ANO4: variants seen among roughly 807,000 people sequenced by gnomAD.
ANO4 encodes anoctamin 4.
In ANO4, 69 loss-of-function variants were observed where a neutral mutation model predicts 141.9. The ratio of observed to expected loss-of-function variants is 0.49; its 90% CI spans 0.40 to 0.59. The LOEUF (loss-of-function observed/expected upper bound fraction) is 0.59, where lower values mean the gene tolerates loss of function less well. ANO4 is among the 20% of genes least tolerant of loss of function. The pLI is 0.00. For missense variants in ANO4, 894 were observed against 1,162.2 expected (o/e 0.77, Z 3.36); for synonymous variants, 350 against 394.3 (o/e 0.89, Z 1.33).
intron 2 of ANO4, chr12:100,739,826 C>T (rs1447176382): frequency 1.4e-6 from 1 of 699,186 alleles, no homozygotes; most frequent in South Asian, 1.5e-5. Flanking sequence ...TGATTGCTGC[C>T]ACTCACCTAA....
intron 22 of ANO4, among the ~76,000 whole-genome samples, chr12:101,107,275 G>A (rs1341891699): frequency 1.3e-5 from 2 of 152,116 alleles, no homozygotes; most frequent in Non-Finnish European, 1.5e-5. Flanking sequence ...TTTGGTACCT[G>A]ACAAGTCCTT....
chr12:101,076,274 A>G (rs606569), intron 14 of ANO4, among the ~76,000 whole-genome samples: 75,541 of 151,888 alleles, frequency 0.5, 18,946 homozygotes, highest in East Asian at 0.66. Context: ...GACCCCAGAG[A>G]GCTAACTACC....
rs573437877 is a variant in ANO4 at position 100,901,715 on chromosome 12, G to A, written c.-71G>A. ...CATCAACGGCGAAGTGTGGCAAGCC[G>A]CCCAGCGTCACGTCGTCGCCTGCCT... is the stretch of plus-strand genomic sequence containing the variant. On this transcript the variant is annotated 5_prime_UTR_variant, in exon 2 of 28. Transcript: ENST00000392977. 1.2e-5 allele frequency: 17 copies of A among 1,412,468 alleles called. No individual in the cohort carries two copies. The African/African-American group carries it at 1.4e-4, about 12-fold the overall frequency. 87.5% of individuals were successfully genotyped at this position (1,412,468 alleles called of 1,614,324 possible).
intron 14 of ANO4, among the ~76,000 whole-genome samples, chr12:101,061,363 G>A (rs1358671616): frequency 1.3e-5 from 2 of 151,270 alleles, no homozygotes; most frequent in African/African-American, 4.9e-5. Context: ...TATGTGTCTT[G>A]GGGTTCTCTT....
chr12:100,897,189 A>G (rs1164409446), intron 1 of ANO4, among the ~76,000 whole-genome samples: 1 of 152,140 alleles, frequency 6.6e-6, no homozygotes, highest in Non-Finnish European at 1.5e-5. Flanking sequence ...TCAAGAGGAA[A>G]AGGTATTTTT....
chr12:101,104,963 T>G (rs1172235403), intron 22 of ANO4, among the ~76,000 whole-genome samples: 1 of 152,150 alleles, frequency 6.6e-6, no homozygotes, highest in Non-Finnish European at 1.5e-5. Context: ...TACATACAAG[T>G]TGGATTATTC....
Position 101,079,294 on chromosome 12 carries a change from A to C in ANO4, c.1395+19A>C. 6.2e-7 allele frequency: 1 copy of C among 1,601,892 alleles called. No individual in the cohort carries two copies. The highest frequency in any genetic ancestry group is 8.5e-7 in the Non-Finnish European group (1 of 1,170,198). ...AGAGGAGGTTTGTATCATTTACCTC[A>C]GAATGTTGTAAAAAGCAAATCACCC... On this transcript the variant is annotated intron_variant, in intron 15 of 27. Coordinates refer to ENST00000392977, the MANE Select transcript of ANO4 (RefSeq NM_001286615.2).
intron 24 of ANO4, among the ~76,000 whole-genome samples, chr12:101,113,004 A>G (rs1448810418): frequency 6.6e-6 from 1 of 152,184 alleles, no homozygotes; most frequent in Non-Finnish European, 1.5e-5. Context: ...CTTTCACTCA[A>G]ACCACTTTCA....
At chr12:100,729,358 CTCAAA>C (rs2031280164) in intron 1 of ANO4, among the ~76,000 whole-genome samples, 1 of 14,260 alleles carries the variant, frequency 7.0e-5, no homozygotes, top group African/African-American at 1.9e-4. Context: ...AAAACTCTGT[CTCAAA>C]AAAAAAAAAA....
intron 1 of ANO4, among the ~76,000 whole-genome samples, chr12:100,827,315 T>C (rs1410038216): frequency 6.6e-6 from 1 of 152,080 alleles, no homozygotes; most frequent in Non-Finnish European, 1.5e-5. Context: ...TCTTCCATCA[T>C]TATATGCATA....
At chr12:100,884,627 C>A (rs1160929412) in intron 1 of ANO4, among the ~76,000 whole-genome samples, 4 of 152,150 alleles carry the variant, frequency 2.6e-5, no homozygotes, top group Admixed American at 1.3e-4. Flanking sequence ...TCTCACTGGG[C>A]CAAAATCAAA....
chr12:100,757,484 C>T (rs958292338), intron 3 of ANO4, among the ~76,000 whole-genome samples: 2 of 152,212 alleles, frequency 1.3e-5, no homozygotes, highest in Non-Finnish European at 2.9e-5. Flanking sequence ...CTCCTACATA[C>T]TCTTCTTTTT....
intron 1 of ANO4, among the ~76,000 whole-genome samples, chr12:100,888,884 A>T (rs2039969478): frequency 6.6e-6 from 1 of 151,484 alleles, no homozygotes; most frequent in Non-Finnish European, 1.5e-5. Context: ...TATTTTTATT[A>T]TTATTATTAT....
In ANO4 at chr12:101,128,094, A is replaced by C. The variant is rs2051401260; in HGVS notation, c.*238A>C. 6.5e-6 allele frequency: 1 copy of C among 152,680 alleles called. No homozygotes were observed. The highest frequency in any genetic ancestry group is 2.1e-4 in the South Asian group (1 of 4,826). The allele number at this position is 152,680 out of a possible 1,614,324, so 9.5% of individuals were successfully genotyped here. A position where few individuals can be genotyped will look rare whatever the true frequency, so the allele number is the denominator to read the frequency against. ...ATCCATAGACCATTCTTGACCAAGC[A>C]AGCATGCACATTATGGGCAGTTACA... On this transcript the variant is annotated 3_prime_UTR_variant, in exon 28 of 28. Coordinates refer to ENST00000392977, the MANE Select transcript of ANO4 (RefSeq NM_001286615.2).
intron 7 of ANO4, among the ~76,000 whole-genome samples, chr12:100,983,967 G>T (rs763604831): frequency 2.6e-5 from 4 of 152,150 alleles, no homozygotes; most frequent in Non-Finnish European, 5.9e-5. Context: ...GTAGTGAAGT[G>T]CACACAGCAT....
At chr12:100,934,295 C>T (rs1374703508) in intron 3 of ANO4, among the ~76,000 whole-genome samples, 1 of 152,104 alleles carries the variant, frequency 6.6e-6, no homozygotes, top group Non-Finnish European at 1.5e-5. Flanking sequence ...GGAAGGGATC[C>T]AGTTTCAGCT....
intron 1 of ANO4, among the ~76,000 whole-genome samples, chr12:100,832,512 A>G (rs1380861449): frequency 6.6e-6 from 1 of 152,094 alleles, no homozygotes; most frequent in African/African-American, 2.4e-5. Context: ...GCTAGTTTTT[A>G]CCCATCACCT....
At chr12:100,724,163 GGAAAGGCTTTTCTCTAATTAGGGTTCAT>G (rs1353457892) in intron 1 of ANO4, among the ~76,000 whole-genome samples, 1 of 152,200 alleles carries the variant, frequency 6.6e-6, no homozygotes, top group Non-Finnish European at 1.5e-5. Flanking sequence ...AAGTAGGAAA[GGAAAGGCTTTTCTCTAATTAGGGTTCAT>G]GAAAGGGCTT....
At chr12:100,896,715 T>C (rs2040370969) in intron 1 of ANO4, among the ~76,000 whole-genome samples, 1 of 152,134 alleles carries the variant, frequency 6.6e-6, no homozygotes, top group African/African-American at 2.4e-5. Flanking sequence ...AGCAAGAAGC[T>C]TAAGTGTCAT....
Sources: allele counts gnomAD v4.1 joint callset (sites outside exome capture counted in the v4.1 genomes callset), GRCh38; gene constraint gnomAD v4.1.1; transcripts MANE v1.5; gene names NCBI Gene and HGNC (gene_info 2026-07-23, HGNC 2026-07-21).